Variants in ASPH observed in about 807,000 individuals in gnomAD.
The protein encoded by ASPH is aspartate beta-hydroxylase.
ASPH carries 100 observed loss-of-function variants against 118.4 expected under a neutral mutation model. The ratio of observed to expected loss-of-function variants is 0.84; its 90% CI spans 0.72 to 1.00. ASPH has a LOEUF of 1.00. ASPH is among the 50% of genes least tolerant of loss of function. The pLI, the probability that ASPH is intolerant of heterozygous loss-of-function variation, is 0.00. For missense variants in ASPH, 920 were observed against 919.5 expected, an observed-to-expected ratio of 1.00 and a Z score of -0.01; for synonymous variants, 315 against 325.6, an observed-to-expected ratio of 0.97 and a Z score of 0.35.
At chr8:61,607,321 C>T (rs1487603777) in intron 14 of ASPH, 1 of 701,488 alleles carries the variant, frequency 1.4e-6, no homozygotes, top group East Asian at 2.7e-5. Flanking sequence ...CAAATGAGTC[C>T]TCTGTAAATG....
chr8:61,570,785 C>T (rs1455276393), intron 16 of ASPH, among the ~76,000 whole-genome samples: 1 of 152,154 alleles, frequency 6.6e-6, no homozygotes, highest in African/African-American at 2.4e-5. Context: ...CTTTTGTTGA[C>T]TCTAACTAAT....
rs901841203 is a variant in ASPH, at chr8:61,714,251, C to A, written c.103+18G>T. On this transcript the variant is annotated intron_variant, in intron 1 of 24. Coordinates refer to ENST00000379454, the MANE Select transcript of ASPH (RefSeq NM_004318.4). Reference sequence around the variant, plus strand: ...CCCGAGGCGAGGCCCCAGATCCCCGCCCCGCAGGGCCTCTGACCTCTCCGG... The same window carrying A: ...CCCGAGGCGAGGCCCCAGATCCCCGACCCGCAGGGCCTCTGACCTCTCCGG... 7.4e-6 allele frequency: 11 copies of A among 1,481,674 alleles called. No homozygotes were observed. Among genetic ancestry groups the A allele is most frequent in the South Asian group, 1.3e-5 (1 of 78,688 alleles). The allele number at this position is 1,481,674 out of a possible 1,614,324, so 91.8% of individuals were successfully genotyped here.
intron 16 of ASPH, among the ~76,000 whole-genome samples, chr8:61,575,206 C>T (rs1447935289): frequency 6.6e-6 from 1 of 152,178 alleles, no homozygotes; most frequent in Non-Finnish European, 1.5e-5. Context: ...GCTCTTCATT[C>T]CATTACATTT....
chr8:61,658,792 A>G (rs940670101), intron 3 of ASPH: 16 of 152,160 alleles, frequency 1.1e-4, no homozygotes, highest in African/African-American at 3.9e-4. Context: ...ACACACACAC[A>G]CGGTTTTCTT....
intron 10 of ASPH, among the ~76,000 whole-genome samples, chr8:61,640,634 A>G (rs1804688922): frequency 6.6e-6 from 1 of 152,256 alleles, no homozygotes; most frequent in Admixed American, 6.5e-5. Flanking sequence ...TGAAAACTAC[A>G]GTGAAATTGC....
intron 3 of ASPH, among the ~76,000 whole-genome samples, chr8:61,665,762 C>T (rs1033253658): frequency 3.9e-5 from 6 of 152,084 alleles, no homozygotes; most frequent in South Asian, 2.1e-4. Context: ...TTTATGGTGG[C>T]TAAAAATAGG....
intron 3 of ASPH, among the ~76,000 whole-genome samples, chr8:61,670,188 G>A (rs16927727): frequency 0.014 from 2,099 of 151,142 alleles, 43 homozygotes; most frequent in African/African-American, 0.048. Flanking sequence ...CAGTTAACAA[G>A]AGTCCCTAAG....
intron 3 of ASPH, chr8:61,662,795 G>A (rs1276335144): frequency 2.1e-6 from 2 of 959,636 alleles, no homozygotes; most frequent in Non-Finnish European, 2.5e-6. Flanking sequence ...AACAGTCAAA[G>A]GAAAAATCAA....
intron 13 of ASPH, among the ~76,000 whole-genome samples, chr8:61,629,853 G>A (rs901302923): frequency 1.3e-5 from 2 of 152,178 alleles, no homozygotes; most frequent in Non-Finnish European, 2.9e-5. Flanking sequence ...TGACAGTGTG[G>A]ACTCTGGAGC....
chr8:61,574,877 A>AC (rs1368148387), intron 16 of ASPH, among the ~76,000 whole-genome samples: 2 of 152,128 alleles, frequency 1.3e-5, no homozygotes, highest in Non-Finnish European at 1.5e-5. Flanking sequence ...ACCCAAAAAA[A>AC]CAAACAAACC....
rs187328548 is a variant in ASPH at position 61,625,751 on chromosome 8, T to C, written c.935-6732A>G. 23 of 985,546 alleles carry C rather than the reference T, an allele frequency of 2.3e-5. No homozygotes were observed. The Admixed American group carries it at 1.2e-3, about 50-fold the overall frequency. The allele number at this position is 985,546 out of a possible 1,614,324, so 61.1% of individuals were successfully genotyped here. A position where few individuals can be genotyped will look rare whatever the true frequency, so the allele number is the denominator to read the frequency against. On this transcript the variant is annotated intron_variant, in intron 13 of 24. Coordinates refer to ENST00000379454, the MANE Select transcript of ASPH (RefSeq NM_004318.4). Reference sequence around the variant, plus strand: ...TGATAAGAATATCAGTGCAGGTATATACAACTCAAATCTTCACAGCTAATG... The same window carrying C: ...TGATAAGAATATCAGTGCAGGTATACACAACTCAAATCTTCACAGCTAATG...
chr8:61,625,645 A>C (rs974896181), intron 13 of ASPH: 4 of 850,514 alleles, frequency 4.7e-6, no homozygotes, highest in Non-Finnish European at 5.2e-6. Flanking sequence ...TGAAATATTA[A>C]ATTTTTCTAA....
In ASPH at chr8:61,514,730, C is replaced by CA. The variant is rs956909398; in HGVS notation, c.2126+2797dup. 1.2e-4 allele frequency among the ~76,000 whole-genome samples: 18 copies of CA among 152,002 alleles called. 1 individual carries two copies. The highest frequency in any genetic ancestry group is 2.7e-4 in the African/African-American group (11 of 41,474). ...TCTCAAAAACAAAACAAAACAAAAA[C>CA]AAAAAAACTTGTTTTTGTGGAGACA... is the stretch of plus-strand genomic sequence containing the variant. On this transcript the variant is annotated intron_variant, in intron 24 of 24. Coordinates refer to ENST00000379454, the MANE Select transcript of ASPH (RefSeq NM_004318.4).
At chr8:61,564,701 C>T (rs1831075379) in intron 17 of ASPH, among the ~76,000 whole-genome samples, 1 of 152,250 alleles carries the variant, frequency 6.6e-6, no homozygotes. Flanking sequence ...TTTTGTTCTG[C>T]TGCACTGGTC....
At chr8:61,590,932 C>T (rs1050615218) in intron 14 of ASPH, among the ~76,000 whole-genome samples, 4 of 152,076 alleles carry the variant, frequency 2.6e-5, no homozygotes, top group African/African-American at 7.2e-5. Context: ...ATAATCTCTC[C>T]TATGGTCATA....
At chr8:61,525,707 G>C (rs1815060062) in intron 22 of ASPH, among the ~76,000 whole-genome samples, 1 of 152,124 alleles carries the variant, frequency 6.6e-6, no homozygotes, top group Admixed American at 6.5e-5. Flanking sequence ...CAACAGGAAA[G>C]ACCAGAAAAA....
At chr8:61,654,060 G>A (rs1252884723) in intron 3 of ASPH, among the ~76,000 whole-genome samples, 2 of 152,054 alleles carry the variant, frequency 1.3e-5, no homozygotes, top group African/African-American at 2.4e-5. Flanking sequence ...TGTTATTCAG[G>A]TACACTCGAT....
chr8:61,638,304 C>T lies in ASPH; in HGVS notation c.832+18G>A, dbSNP rs1445384936. 1 of 1,598,174 alleles carries T rather than the reference C, an allele frequency of 6.3e-7. No homozygotes were observed. The highest frequency in any genetic ancestry group is 1.8e-5 in the Admixed American group (1 of 56,198). On this transcript the variant is annotated intron_variant, in intron 11 of 24. Coordinates refer to ENST00000379454, the MANE Select transcript of ASPH (RefSeq NM_004318.4). ...AAAGCTGACTTGCAGAAAATATGTGCTTACAGAAAAAACTTACCTGTGATT... is the reference window on the plus strand; with the variant it reads ...AAAGCTGACTTGCAGAAAATATGTGTTTACAGAAAAAACTTACCTGTGATT...
intron 1 of ASPH, among the ~76,000 whole-genome samples, chr8:61,692,742 T>C (rs1832919817): frequency 6.6e-6 from 1 of 152,134 alleles, no homozygotes; most frequent in Non-Finnish European, 1.5e-5. Flanking sequence ...ATGCCGACCT[T>C]AACCCCAGAG....
Sources: gnomAD v4.1 joint callset for allele counts (sites outside exome capture counted in the v4.1 genomes callset) on GRCh38, gnomAD v4.1.1 for gene constraint, MANE v1.5 for transcripts, NCBI Gene and HGNC (gene_info 2026-07-23, HGNC 2026-07-21) for gene names.